Variants in SEMA5A observed in about 807,000 individuals in gnomAD.
SEMA5A encodes semaphorin-5A.
A neutral mutation model predicts 135.5 loss-of-function variants in SEMA5A; 55 were observed. The ratio of observed to expected loss-of-function variants is 0.41; its 90% CI spans 0.33 to 0.51. The LOEUF (loss-of-function observed/expected upper bound fraction) is 0.51. Ranked by LOEUF, SEMA5A falls within the 20% of genes least tolerant of loss-of-function variation. SEMA5A has a pLI of 0.37. For synonymous variants in SEMA5A, 580 were observed against 546.5 expected (o/e 1.06, Z -0.85); for missense variants, 1,290 against 1,419.9 (o/e 0.91, Z 1.47).
intron 3 of SEMA5A, 29 bp from the exon 4 acceptor site, chr5:9,337,841 G>T (rs1304930611): frequency 1.4e-6 from 2 of 1,461,188 alleles, no homozygotes; most frequent in East Asian, 5.0e-5. Flanking sequence ...TAAATAAAAA[G>T]ATAAAAATGA....
At chr5:9,485,505 A>G (rs1034392248) in intron 1 of SEMA5A, among the ~76,000 whole-genome samples, 3 of 152,196 alleles carry the variant, frequency 2.0e-5, no homozygotes, top group African/African-American at 7.2e-5. Context: ...AACAGAAGCT[A>G]TAGAGATTAA....
chr5:9,351,556 AAATT>A (rs1754117575), intron 3 of SEMA5A, among the ~76,000 whole-genome samples: 1 of 152,192 alleles, frequency 6.6e-6, no homozygotes, highest in Non-Finnish European at 1.5e-5. Context: ...CATTACCAAC[AAATT>A]AAGAAAAAAT....
At chr5:9,388,211 C>T (rs1755981149) in intron 2 of SEMA5A, among the ~76,000 whole-genome samples, 1 of 152,164 alleles carries the variant, frequency 6.6e-6, no homozygotes, top group African/African-American at 2.4e-5. Flanking sequence ...CTATTTTATA[C>T]ATTTCAATAA....
At chr5:9,468,624 G>C (rs1034140545) in intron 1 of SEMA5A, among the ~76,000 whole-genome samples, 3 of 23,714 alleles carry the variant, frequency 1.3e-4, no homozygotes, top group African/African-American at 3.5e-4. Context: ...TAAAATTCAG[G>C]CTGTCTATAT....
intron 1 of SEMA5A, among the ~76,000 whole-genome samples, chr5:9,521,448 T>C (rs570297953): frequency 6.6e-6 from 1 of 152,144 alleles, no homozygotes; most frequent in Admixed American, 6.5e-5. Flanking sequence ...GAAATGTCTT[T>C]AAAAGTTTAT....
intron 13 of SEMA5A, among the ~76,000 whole-genome samples, chr5:9,123,625 C>T (rs1579436420): frequency 1.3e-5 from 2 of 152,100 alleles, no homozygotes. Flanking sequence ...AGCTGCACAA[C>T]CCCATTGCAT....
intron 1 of SEMA5A, among the ~76,000 whole-genome samples, chr5:9,501,537 G>A (rs1182215202): frequency 1.3e-5 from 2 of 152,196 alleles, no homozygotes; most frequent in African/African-American, 4.8e-5. Flanking sequence ...TGTCAGCAAT[G>A]GAGGAGTTCA....
At chr5:9,265,249 A>G (rs528096232) in intron 5 of SEMA5A, among the ~76,000 whole-genome samples, 9 of 152,210 alleles carry the variant, frequency 5.9e-5, no homozygotes, top group African/African-American at 1.9e-4. Context: ...CCAACGGCCT[A>G]ATTACATATT....
rs56740226 is a variant in SEMA5A at position 9,243,936 on chromosome 5, T to G, written c.271-6046A>C. Among the ~76,000 whole-genome samples the G allele has an allele frequency of 2.5e-3, 385 of 152,316 alleles. 2 individuals carry two copies. The highest frequency in any genetic ancestry group is 8.3e-3 in the African/African-American group (345 of 41,580). On this transcript the variant is annotated intron_variant, in intron 5 of 22. Transcript: ENST00000382496. ...TACATATCTGAAGCAGAGAAATTTGTGCATGTCTAAGTTCAGAGCTGTTGG... is the reference window on the plus strand; with the variant it reads ...TACATATCTGAAGCAGAGAAATTTGGGCATGTCTAAGTTCAGAGCTGTTGG...
intron 2 of SEMA5A, among the ~76,000 whole-genome samples, chr5:9,405,582 G>A (rs748730576): frequency 6.6e-6 from 1 of 152,124 alleles, no homozygotes; most frequent in Non-Finnish European, 1.5e-5. Flanking sequence ...AGTAACTTCA[G>A]CCCCATGAGG....
At chr5:9,123,438 GGGA>G (rs1193449348) in intron 13 of SEMA5A, among the ~76,000 whole-genome samples, 1 of 150,786 alleles carries the variant, frequency 6.6e-6, no homozygotes, top group Non-Finnish European at 1.5e-5. Context: ...AAGGAGGAGG[GGGA>G]GGAGGAGGAA....
chr5:9,526,618 C>G (rs547950559), intron 1 of SEMA5A, among the ~76,000 whole-genome samples: 2 of 152,302 alleles, frequency 1.3e-5, no homozygotes, highest in African/African-American at 4.8e-5. Context: ...TAGCTATGAG[C>G]CCTTGAGCCA....
At chr5:9,170,862 T>A (rs1341555597) in intron 11 of SEMA5A, among the ~76,000 whole-genome samples, 1 of 152,142 alleles carries the variant, frequency 6.6e-6, no homozygotes, top group African/African-American at 2.4e-5. Context: ...TCACCAACAG[T>A]CCTACTGGGG....
chr5:9,326,746 A>T (rs1229616246), intron 4 of SEMA5A, among the ~76,000 whole-genome samples: 2 of 152,134 alleles, frequency 1.3e-5, no homozygotes, highest in African/African-American at 4.8e-5. Context: ...CTGCCACTGC[A>T]CTCCAGCCTG....
chr5:9,368,261 C>T (rs540999730), intron 3 of SEMA5A, among the ~76,000 whole-genome samples: 91 of 152,256 alleles, frequency 6.0e-4, no homozygotes, highest in Non-Finnish European at 1.1e-3. Context: ...AATGCTTGGA[C>T]GTGATGCCCA....
chr5:9,401,359 CAA>C (rs1229814581), intron 2 of SEMA5A, among the ~76,000 whole-genome samples: 2 of 152,286 alleles, frequency 1.3e-5, no homozygotes, highest in Non-Finnish European at 2.9e-5. Flanking sequence ...ATATGTCAGC[CAA>C]AGACAATGTT....
At chr5:9,322,020 G>A (rs1752650046) in intron 4 of SEMA5A, among the ~76,000 whole-genome samples, 1 of 152,148 alleles carries the variant, frequency 6.6e-6, no homozygotes, top group Admixed American at 6.5e-5. Context: ...CAAGCAGAGA[G>A]CTCTCTGTCT....
In SEMA5A at chr5:9,223,762, C is replaced by T. The variant is rs370942308; in HGVS notation, c.646+912G>A. On this transcript the variant is annotated intron_variant, in intron 8 of 22. Transcript: ENST00000382496. ...GTCTTTGTAGGTGTATGTGTATGTG[C>T]GTGTGTGTGTGAGACCACACTCACA... Among the ~76,000 whole-genome samples, 66 of 152,162 alleles carry T rather than the reference C, an allele frequency of 4.3e-4. 1 individual carries two copies. The highest frequency in any genetic ancestry group is 4.8e-4 in the African/African-American group (20 of 41,516).
intron 11 of SEMA5A, among the ~76,000 whole-genome samples, chr5:9,182,706 T>C (rs928498856): frequency 6.6e-6 from 1 of 151,190 alleles, no homozygotes; most frequent in African/African-American, 2.4e-5. Flanking sequence ...TACAATGCAA[T>C]GACATCTAGA....
Sources: allele counts gnomAD v4.1 joint callset (sites outside exome capture counted in the v4.1 genomes callset), GRCh38; gene constraint gnomAD v4.1.1; transcripts MANE v1.5; gene names NCBI Gene and HGNC (gene_info 2026-07-23, HGNC 2026-07-21).